The following PTPRK variants were observed in gnomAD, a reference collection of about 807,000 sequenced individuals.
PTPRK encodes the protein receptor-type tyrosine-protein phosphatase kappa.
Under a neutral mutation model 178.0 loss-of-function variants are expected in PTPRK, and 75 were observed. The ratio of observed to expected loss-of-function variants is 0.42; its 90% CI spans 0.35 to 0.51. PTPRK has a LOEUF of 0.51. Ranked by LOEUF, PTPRK falls within the 20% of genes least tolerant of loss-of-function variation. The pLI is 0.02. For synonymous variants in PTPRK, 637 were observed against 620.6 expected, an observed-to-expected ratio of 1.03 and a Z score of -0.39; for missense variants, 1,441 against 1,797.8, an observed-to-expected ratio of 0.80 and a Z score of 3.59.
intron 3 of PTPRK, among the ~76,000 whole-genome samples, chr6:128,249,391 T>C (rs1816074521): frequency 6.6e-6 from 1 of 151,918 alleles, no homozygotes; most frequent in Non-Finnish European, 1.5e-5. Context: ...AAACAGCAAT[T>C]GTATAACAAA....
intron 11 of PTPRK, among the ~76,000 whole-genome samples, chr6:128,072,083 T>C (rs1782924455): frequency 6.6e-6 from 1 of 152,024 alleles, no homozygotes; most frequent in Non-Finnish European, 1.5e-5. Context: ...CTTTAGTAAT[T>C]AAAACTATTC....
chr6:128,165,055 T>C (rs1268277229), intron 7 of PTPRK, among the ~76,000 whole-genome samples: 1 of 151,264 alleles, frequency 6.6e-6, no homozygotes, highest in Non-Finnish European at 1.5e-5. Context: ...CATGAAATTA[T>C]ATCTTCTGTG....
intron 5 of PTPRK, among the ~76,000 whole-genome samples, chr6:128,229,367 C>T (rs1169606049): frequency 6.6e-6 from 1 of 152,124 alleles, no homozygotes; most frequent in Non-Finnish European, 1.5e-5. Context: ...ATAAGATAAA[C>T]ATTGAGTAAA....
chr6:128,191,825 C>A (rs1052924121), intron 6 of PTPRK, among the ~76,000 whole-genome samples: 2 of 152,096 alleles, frequency 1.3e-5, no homozygotes, highest in African/African-American at 4.8e-5. Context: ...AAATTTACCA[C>A]GTATCCCTAC....
chr6:128,382,151 C>CAAAAAA (rs56321095), intron 2 of PTPRK, among the ~76,000 whole-genome samples: 1 of 75,662 alleles, frequency 1.3e-5, no homozygotes, highest in Non-Finnish European at 2.8e-5. Flanking sequence ...TACCCTATCT[C>CAAAAAA]AAAAAAAAAA....
chr6:128,369,399 T>C (rs894316027), intron 2 of PTPRK, among the ~76,000 whole-genome samples: 3 of 152,076 alleles, frequency 2.0e-5, no homozygotes, highest in African/African-American at 7.2e-5. Context: ...AAGAACAATA[T>C]AGATATTTTA....
intron 13 of PTPRK, among the ~76,000 whole-genome samples, chr6:128,061,306 T>C (rs905813342): frequency 6.6e-6 from 1 of 152,078 alleles, no homozygotes; most frequent in Non-Finnish European, 1.5e-5. Flanking sequence ...ACATTTGGAA[T>C]GTTTTAAGTT....
intron 3 of PTPRK, among the ~76,000 whole-genome samples, chr6:128,292,850 C>T (rs918321958): frequency 6.6e-6 from 1 of 152,022 alleles, no homozygotes; most frequent in Non-Finnish European, 1.5e-5. Context: ...ACAAGCGCAA[C>T]AGCTGTGGGT....
chr6:128,122,343 G>A (rs966167662), intron 7 of PTPRK, among the ~76,000 whole-genome samples: 3 of 152,068 alleles, frequency 2.0e-5, no homozygotes, highest in Non-Finnish European at 4.4e-5. Flanking sequence ...ATTTAATAGA[G>A]AAGATAAGAG....
intron 7 of PTPRK, among the ~76,000 whole-genome samples, chr6:128,132,451 C>T (rs1040284933): frequency 1.3e-5 from 2 of 152,128 alleles, no homozygotes; most frequent in Non-Finnish European, 2.9e-5. Flanking sequence ...GGCTTATAGG[C>T]GTAAGCCACA....
chr6:128,462,696 C>A (rs1476187533), intron 1 of PTPRK, among the ~76,000 whole-genome samples: 2 of 151,452 alleles, frequency 1.3e-5, no homozygotes, highest in Non-Finnish European at 2.9e-5. Flanking sequence ...GCTCTTGTTG[C>A]CCAGGCTGGA....
intron 7 of PTPRK, among the ~76,000 whole-genome samples, chr6:128,166,808 A>C (rs1799472960): frequency 6.6e-6 from 1 of 151,814 alleles, no homozygotes; most frequent in South Asian, 2.1e-4. Context: ...GTGCTTTAGT[A>C]AATAACTTAG....
chr6:128,344,837 A>T (rs1212891049), intron 2 of PTPRK, among the ~76,000 whole-genome samples: 1 of 152,096 alleles, frequency 6.6e-6, no homozygotes, highest in Non-Finnish European at 1.5e-5. Flanking sequence ...TCTAAAGAGG[A>T]CTTTTGTCTG....
At chr6:128,318,422 AT>A (rs1248311595) in intron 3 of PTPRK, among the ~76,000 whole-genome samples, 1 of 151,918 alleles carries the variant, frequency 6.6e-6, no homozygotes, top group African/African-American at 2.4e-5. Context: ...CAATTCTTAC[AT>A]TTTTTTTCAA....
At chr6:128,168,583 G>A (rs985610834) in intron 7 of PTPRK, among the ~76,000 whole-genome samples, 2 of 152,014 alleles carry the variant, frequency 1.3e-5, no homozygotes, top group Non-Finnish European at 2.9e-5. Context: ...TATAAGTGGC[G>A]GCATTAGATT....
At chr6:128,333,696 A>C (rs1830560158) in intron 2 of PTPRK, among the ~76,000 whole-genome samples, 1 of 152,128 alleles carries the variant, frequency 6.6e-6, no homozygotes, top group Non-Finnish European at 1.5e-5. Context: ...CAGACTACTA[A>C]AACTTTCTCC....
chr6:128,498,886 GT>G (rs1240208432), intron 1 of PTPRK, among the ~76,000 whole-genome samples: 1 of 152,132 alleles, frequency 6.6e-6, no homozygotes, highest in East Asian at 1.9e-4. Flanking sequence ...TTGATTGGAG[GT>G]TTTGTGTATC....
rs1773669176 is a variant in PTPRK, at chr6:127,969,417, C to T, written c.*810G>A. On this transcript the variant is annotated 3_prime_UTR_variant, in exon 30 of 30. Transcript: ENST00000368226. ...CACAAGCATGTACACAAGAGAATCA[C>T]TATAAAGAACATTGCTTCCTGGTTT... 6.6e-6 allele frequency: 1 copy of T among 152,146 alleles called. No homozygotes were observed. The highest frequency in any genetic ancestry group is 6.6e-5 in the Admixed American group (1 of 15,266). 9.4% of individuals were successfully genotyped at this position (152,146 alleles called of 1,614,324 possible). A position where few individuals can be genotyped will look rare whatever the true frequency, so the allele number is the denominator to read the frequency against.
chr6:128,019,387 C>A (rs1236420906), intron 13 of PTPRK, among the ~76,000 whole-genome samples: 2 of 151,972 alleles, frequency 1.3e-5, no homozygotes, highest in Admixed American at 1.3e-4. Context: ...CAACTACTAC[C>A]TAACAAAAAG....
Sources: gnomAD v4.1 joint callset for allele counts (sites outside exome capture counted in the v4.1 genomes callset) on GRCh38, gnomAD v4.1.1 for gene constraint, MANE v1.5 for transcripts, NCBI Gene and HGNC (gene_info 2026-07-23, HGNC 2026-07-21) for gene names.